ESRRG: variants seen among roughly 807,000 people sequenced by gnomAD.
ESRRG encodes the protein estrogen-related receptor gamma.
Under a neutral mutation model 44.0 loss-of-function variants are expected in ESRRG, and 13 were observed. That is an observed-to-expected ratio of 0.30 (90% CI 0.19 to 0.47). ESRRG has a LOEUF of 0.47. Among genes scored for constraint, ESRRG ranks in the 20% least tolerant of loss-of-function variants. The probability of loss-of-function intolerance (pLI) is 1.00; values close to 1 mark genes in which losing one functional copy is unlikely to be tolerated. For synonymous variants in ESRRG, 215 were observed against 214.6 expected (o/e 1.00, Z -0.02); for missense variants, 395 against 580.6 (o/e 0.68, Z 3.29).
intron 2 of ESRRG, among the ~76,000 whole-genome samples, chr1:216,857,747 C>T (rs148553934): frequency 0.018 from 2,756 of 149,300 alleles, 103 homozygotes; most frequent in African/African-American, 0.065. Context: ...AAAGTCCCTT[C>T]ATTCTTAGCA....
intron 2 of ESRRG, among the ~76,000 whole-genome samples, chr1:216,653,486 CTAT>C (rs2069543777): frequency 6.6e-6 from 1 of 152,148 alleles, no homozygotes; most frequent in South Asian, 2.1e-4. Context: ...AGCAATATTG[CTAT>C]TATTACCTGA....
At chr1:217,047,666 A>G (rs2085134281) in intron 1 of ESRRG, among the ~76,000 whole-genome samples, 2 of 152,162 alleles carry the variant, frequency 1.3e-5, no homozygotes, top group Admixed American at 6.6e-5. Context: ...CATGATGATC[A>G]TTGTTCCAAT....
chr1:217,129,026 C>T (rs2092925283), intron 1 of ESRRG, among the ~76,000 whole-genome samples: 1 of 152,090 alleles, frequency 6.6e-6, no homozygotes, highest in East Asian at 1.9e-4. Context: ...AATAACAGAG[C>T]ACTATCAACA....
chr1:216,705,691 G>A (rs570578111), intron 1 of ESRRG, among the ~76,000 whole-genome samples: 33 of 152,326 alleles, frequency 2.2e-4, no homozygotes, highest in East Asian at 7.7e-4. Flanking sequence ...GACCAAGGGA[G>A]CAGCAGGTTC....
At chr1:216,651,163 C>T (rs10863261) in intron 2 of ESRRG, 74 bp from the exon 3 acceptor site, 51 of 919,452 alleles carry the variant, frequency 5.5e-5, no homozygotes, top group Admixed American at 3.4e-5. Context: ...AAGGCAATGT[C>T]AACTCTATTA....
chr1:216,691,465 T>C (rs1011802563), intron 1 of ESRRG, among the ~76,000 whole-genome samples: 4 of 152,182 alleles, frequency 2.6e-5, no homozygotes. Context: ...GCTTCTGATG[T>C]AGTAACACCT....
chr1:216,821,760 CA>C (rs2095301489), intron 2 of ESRRG, among the ~76,000 whole-genome samples: 2 of 139,178 alleles, frequency 1.4e-5, no homozygotes, highest in Non-Finnish European at 3.2e-5. Flanking sequence ...ATTTAAAAAA[CA>C]ATAAGAACAT....
At chr1:216,605,155 T>C (rs911190369) in intron 3 of ESRRG, among the ~76,000 whole-genome samples, 3 of 152,224 alleles carry the variant, frequency 2.0e-5, no homozygotes, top group Non-Finnish European at 4.4e-5. Context: ...TTTCTTCTTT[T>C]TTTTGCATTA....
At chr1:216,621,309 C>T (rs1456486654) in intron 3 of ESRRG, among the ~76,000 whole-genome samples, 2 of 152,096 alleles carry the variant, frequency 1.3e-5, no homozygotes, top group Non-Finnish European at 2.9e-5. Flanking sequence ...AAAGAACCAT[C>T]CCAGTGATCT....
intron 2 of ESRRG, among the ~76,000 whole-genome samples, chr1:216,920,043 T>C (rs2061634621): frequency 6.6e-6 from 1 of 152,208 alleles, no homozygotes; most frequent in Non-Finnish European, 1.5e-5. Context: ...GGGAAGAACT[T>C]GCCTGCAGCA....
In ESRRG at chr1:216,996,634, G is replaced by A. The variant is rs17044867; in HGVS notation, c.-105-56961C>T. Reference sequence around the variant, plus strand: ...TTACAATCTGATTCTAGTCTACCACGTTGTATATTCATAATACTGTATGCA... The same window carrying A: ...TTACAATCTGATTCTAGTCTACCACATTGTATATTCATAATACTGTATGCA... On this transcript the variant is annotated intron_variant, in intron 1 of 7. Transcript: ENST00000359162. Among the ~76,000 whole-genome samples, 291 of 152,222 alleles carry A rather than the reference G, an allele frequency of 1.9e-3. 5 individuals carry two copies. In the East Asian group the frequency reaches 0.036, roughly 19 times the overall value.
At chr1:216,529,470 A>C (rs1446206195) in intron 5 of ESRRG, among the ~76,000 whole-genome samples, 1 of 152,170 alleles carries the variant, frequency 6.6e-6, no homozygotes, top group Non-Finnish European at 1.5e-5. Context: ...TAAGTCATGC[A>C]AAGTTTTAAT....
At chr1:217,067,982 T>A (rs1407295835) in intron 1 of ESRRG, among the ~76,000 whole-genome samples, 1 of 152,190 alleles carries the variant, frequency 6.6e-6, no homozygotes, top group African/African-American at 2.4e-5. Context: ...TTGTTCCTTC[T>A]CTTTCTAAGA....
In ESRRG at chr1:216,807,696, A is replaced by T. The variant is rs921283134; in HGVS notation, c.-13-130205T>A. 4.1e-5 allele frequency among the ~76,000 whole-genome samples: 6 copies of T among 146,724 alleles called. No homozygotes were observed. The East Asian group carries it at 1.2e-3, about 29-fold the overall frequency. ...TATTCTCTTAATCTCTTTGCAGCAG[A>T]TTCTCTACCCTTTGCCAATAAAAAA... On this transcript the variant is annotated intron_variant, in intron 2 of 7. Coordinates refer to the ESRRG transcript ENST00000359162.
At chr1:217,134,609 A>C (rs2093021770) in intron 1 of ESRRG, among the ~76,000 whole-genome samples, 1 of 152,174 alleles carries the variant, frequency 6.6e-6, no homozygotes, top group Non-Finnish European at 1.5e-5. Flanking sequence ...GGGAAAGGGC[A>C]CTTTGACCCG....
At chr1:216,951,920 G>T (rs1242252252) in intron 1 of ESRRG, among the ~76,000 whole-genome samples, 2 of 150,970 alleles carry the variant, frequency 1.3e-5, no homozygotes, top group Non-Finnish European at 2.9e-5. Context: ...ATACATAAAG[G>T]TTCTGCACTT....
At chr1:216,988,620 C>T (rs1350763654) in intron 1 of ESRRG, among the ~76,000 whole-genome samples, 1 of 152,136 alleles carries the variant, frequency 6.6e-6, no homozygotes, top group African/African-American at 2.4e-5. Context: ...ATATTCAATC[C>T]ATACTTAGTT....
At chr1:216,617,857 T>C (rs1057088783) in intron 3 of ESRRG, among the ~76,000 whole-genome samples, 16 of 152,326 alleles carry the variant, frequency 1.1e-4, no homozygotes, top group Non-Finnish European at 2.1e-4. Context: ...GAATGGCTAA[T>C]GCTTTACAAG....
chr1:216,942,479 G>A (rs1346259419), intron 1 of ESRRG, among the ~76,000 whole-genome samples: 1 of 152,112 alleles, frequency 6.6e-6, no homozygotes, highest in Non-Finnish European at 1.5e-5. Context: ...AGTTATTTGA[G>A]AAACCTCCAA....
Sources: gnomAD v4.1 joint callset for allele counts (sites outside exome capture counted in the v4.1 genomes callset) on GRCh38, gnomAD v4.1.1 for gene constraint, MANE v1.5 for transcripts, NCBI Gene and HGNC (gene_info 2026-07-23, HGNC 2026-07-21) for gene names.